Variants in PTPA observed in about 807,000 individuals in gnomAD.
PTPA encodes the protein protein phosphatase 2 phosphatase activator.
In PTPA, 13 loss-of-function variants were observed where a neutral mutation model predicts 43.6. The ratio of observed to expected loss-of-function variants is 0.30; its 90% CI spans 0.19 to 0.47. The LOEUF is 0.47. Ranked by LOEUF, PTPA falls within the 20% of genes least tolerant of loss-of-function variation. The probability of loss-of-function intolerance (pLI) is 0.99; values close to 1 mark genes in which losing one functional copy is unlikely to be tolerated. For synonymous variants in PTPA, 172 were observed against 158.2 expected (o/e 1.09, Z -0.66); for missense variants, 329 against 411.9 (o/e 0.80, Z 1.74).
At chr9:129,118,273 C>T (rs527335792) in intron 1 of PTPA, among the ~76,000 whole-genome samples, 15 of 151,656 alleles carry the variant, frequency 9.9e-5, no homozygotes, top group South Asian at 6.3e-4. Flanking sequence ...AGGCTGGTTT[C>T]GAACTCCTGA....
At chr9:129,129,699 G>C (rs1849828416) in intron 4 of PTPA, among the ~76,000 whole-genome samples, 1 of 152,196 alleles carries the variant, frequency 6.6e-6, no homozygotes, top group South Asian at 2.1e-4. Context: ...TTGATCTCCT[G>C]ACCTTGTGAT....
intron 1 of PTPA, among the ~76,000 whole-genome samples, chr9:129,114,579 G>T (rs575679801): frequency 6.6e-6 from 1 of 152,274 alleles, no homozygotes; most frequent in South Asian, 2.1e-4. Context: ...AATGCTGATT[G>T]CCCTTATCTT....
At chr9:129,142,686 C>G (rs777900672) in intron 9 of PTPA, 134 bp downstream of exon 9, 1 of 1,546,572 alleles carries the variant, frequency 6.5e-7, no homozygotes, top group Admixed American at 2.0e-5. Context: ...CTTAGGCCAG[C>G]CCCTCTGACA....
At chr9:129,119,596 G>T (rs929722740) in intron 1 of PTPA, 7 of 151,224 alleles carry the variant, frequency 4.6e-5, no homozygotes, top group African/African-American at 1.7e-4. Context: ...TTTTAGTAGA[G>T]ATGGGATTTC....
At chr9:129,114,629 G>A (rs2541164) in intron 1 of PTPA, among the ~76,000 whole-genome samples, 36,980 of 152,090 alleles carry the variant, frequency 0.24, 4,943 homozygotes, top group Admixed American at 0.32. Flanking sequence ...ACATGTAGAC[G>A]AGTTTCAAAT....
At chr9:129,141,168 C>G (rs1850792077) in intron 8 of PTPA, among the ~76,000 whole-genome samples, 1 of 152,034 alleles carries the variant, frequency 6.6e-6, no homozygotes, top group Non-Finnish European at 1.5e-5. Flanking sequence ...TGACTTAAAT[C>G]TTAAAAGTTT....
chr9:129,146,739 G>C (rs1027967949), intron 9 of PTPA, among the ~76,000 whole-genome samples: 1 of 152,190 alleles, frequency 6.6e-6, no homozygotes, highest in African/African-American at 2.4e-5. Flanking sequence ...CCTGTCACTT[G>C]CTCTCCAGCT....
rs552233493 is a variant in PTPA at position 129,122,541 on chromosome 9, C to T, written c.130-511C>T. 3.1e-4 allele frequency among the ~76,000 whole-genome samples: 47 copies of T among 152,294 alleles called. 2 individuals are homozygous for T. In the South Asian group the frequency reaches 3.5e-3, roughly 11 times the overall value. ...TGCACTCCAACTAGACAGCCTGGCC[C>T]GCCTTTGGTCGCTGATTGCTGGGGG... is the stretch of plus-strand genomic sequence containing the variant. On this transcript the variant is annotated intron_variant, in intron 2 of 9. Coordinates refer to ENST00000393370, the MANE Select transcript of PTPA (RefSeq NM_178000.3).
chr9:129,124,769 C>G (rs560009940), intron 3 of PTPA, among the ~76,000 whole-genome samples: 1 of 152,322 alleles, frequency 6.6e-6, no homozygotes, highest in South Asian at 2.1e-4. Context: ...TTGGCCTACC[C>G]AGCTCTCTAG....
At chr9:129,139,804 A>G (rs1850636771) in intron 8 of PTPA, among the ~76,000 whole-genome samples, 1 of 151,444 alleles carries the variant, frequency 6.6e-6, no homozygotes, top group Non-Finnish European at 1.5e-5. Flanking sequence ...AGAACTTGGG[A>G]GTGGAATCAG....
chr9:129,140,441 C>T (rs536321938), intron 8 of PTPA, among the ~76,000 whole-genome samples: 2 of 152,340 alleles, frequency 1.3e-5, no homozygotes, highest in South Asian at 2.1e-4. Context: ...AACTACCTCT[C>T]TGGCCTTTCT....
intron 1 of PTPA, among the ~76,000 whole-genome samples, chr9:129,112,940 A>C (rs371954687): frequency 7.0e-6 from 1 of 143,106 alleles, no homozygotes; most frequent in Admixed American, 6.7e-5. Context: ...AAACTCCGTC[A>C]CCCCCCAAAA....
chr9:129,115,066 C>T (rs930927206), intron 1 of PTPA, among the ~76,000 whole-genome samples: 2 of 152,114 alleles, frequency 1.3e-5, no homozygotes, highest in Non-Finnish European at 2.9e-5. Flanking sequence ...GTAGCATGAT[C>T]TTGGCTCAGT....
At chr9:129,112,631 G>C (rs78026456) in intron 1 of PTPA, among the ~76,000 whole-genome samples, 1 of 152,152 alleles carries the variant, frequency 6.6e-6, no homozygotes, top group Non-Finnish European at 1.5e-5. Flanking sequence ...AAAACCTCTG[G>C]GTGTGTGCCC....
chr9:129,131,462 C>T (rs1001993283), intron 4 of PTPA, 60 bp from the exon 5 acceptor site: 8 of 1,501,512 alleles, frequency 5.3e-6, no homozygotes, highest in Non-Finnish European at 7.4e-6. Flanking sequence ...CCCCTGGGCA[C>T]CTGCCCACTG....
intron 1 of PTPA, chr9:129,119,073 A>G (rs528791959): frequency 3.4e-5 from 6 of 175,620 alleles, no homozygotes; most frequent in Admixed American, 3.0e-4. Context: ...ATCTCAGCTC[A>G]CTGCAACCCC....
upstream of PTPA, chr9:129,111,323 C>T (rs566627280): frequency 5.1e-6 from 6 of 1,165,540 alleles, no homozygotes; most frequent in Non-Finnish European, 6.4e-6. Context: ...CGCGCATGCG[C>T]CCCGCGCGCC....
intron 1 of PTPA, among the ~76,000 whole-genome samples, chr9:129,112,332 AAGG>A (rs1281290628): frequency 6.6e-6 from 1 of 152,204 alleles, no homozygotes; most frequent in Non-Finnish European, 1.5e-5. Flanking sequence ...TTTTGTGCAG[AAGG>A]AGAAGGCTGT....
intron 1 of PTPA, among the ~76,000 whole-genome samples, chr9:129,112,661 G>A (rs1395680225): frequency 2.0e-5 from 3 of 152,188 alleles, no homozygotes; most frequent in African/African-American, 7.2e-5. Context: ...GGATGTCCAG[G>A]CCAGGCGCGG....
Sources: allele counts gnomAD v4.1 joint callset (sites outside exome capture counted in the v4.1 genomes callset), GRCh38; gene constraint gnomAD v4.1.1; transcripts MANE v1.5; gene names NCBI Gene and HGNC (gene_info 2026-07-23, HGNC 2026-07-21).